MUSK: variants seen among roughly 807,000 people sequenced by gnomAD.
MUSK encodes the protein muscle associated receptor tyrosine kinase.
A neutral mutation model predicts 88.7 loss-of-function variants in MUSK; 55 were observed. The ratio of observed to expected loss-of-function variants is 0.62; its 90% CI spans 0.50 to 0.78. The LOEUF (loss-of-function observed/expected upper bound fraction) is 0.78, where lower values mean the gene tolerates loss of function less well. Among genes scored for constraint, MUSK ranks in the 30% least tolerant of loss-of-function variants. The pLI, the probability that MUSK is intolerant of heterozygous loss-of-function variation, is 0.00. For missense variants in MUSK, 1,015 were observed against 1,074.3 expected, an observed-to-expected ratio of 0.94 and a Z score of 0.77; for synonymous variants, 387 against 391.9, an observed-to-expected ratio of 0.99 and a Z score of 0.15.
At chr9:110,755,951 C>CGTATATATATATAT (rs1269355799) in intron 7 of MUSK, among the ~76,000 whole-genome samples, 1 of 101,792 alleles carries the variant, frequency 9.8e-6, no homozygotes, top group African/African-American at 4.3e-5. Context: ...TATATATATA[C>CGTATATATATATAT]ACATATATAT....
intron 7 of MUSK, among the ~76,000 whole-genome samples, chr9:110,749,132 T>C (rs1369993915): frequency 6.6e-6 from 1 of 152,224 alleles, no homozygotes; most frequent in East Asian, 1.9e-4. Context: ...CACTTTTACA[T>C]GCATTTATCA....
chr9:110,749,245 A>G (rs148976192), intron 7 of MUSK, among the ~76,000 whole-genome samples: 35 of 152,324 alleles, frequency 2.3e-4, no homozygotes, highest in African/African-American at 8.2e-4. Flanking sequence ...GAAGGAAGTC[A>G]GTCAGTCACG....
chr9:110,762,091 A>G (rs2077410535), intron 7 of MUSK, 111 bp from the exon 8 acceptor site: 1 of 1,068,394 alleles, frequency 9.4e-7, no homozygotes, highest in Admixed American at 3.2e-5. Flanking sequence ...AAACTTAGAG[A>G]TCAGTAGTAT....
intron 8 of MUSK, among the ~76,000 whole-genome samples, chr9:110,764,643 G>A (rs73655624): frequency 0.012 from 1,627 of 131,970 alleles, 23 homozygotes; most frequent in African/African-American, 0.041. Flanking sequence ...AGATAGGTAG[G>A]TAGATCATCG....
At chr9:110,734,088 G>C (rs1238666198) in intron 5 of MUSK, among the ~76,000 whole-genome samples, 163 bp from the exon 6 acceptor site, 3 of 152,054 alleles carry the variant, frequency 2.0e-5, no homozygotes, top group African/African-American at 4.8e-5. Context: ...TAACATAAAG[G>C]GCTTGGAGGC....
chr9:110,788,170 A>G (rs2077907341), intron 14 of MUSK: 1 of 234,332 alleles, frequency 4.3e-6, no homozygotes, highest in Non-Finnish European at 8.3e-6. Flanking sequence ...TATTTTACTT[A>G]TTTTGTTTCT....
At chr9:110,775,184 T>G (rs1055539426) in intron 9 of MUSK, among the ~76,000 whole-genome samples, 3 of 152,196 alleles carry the variant, frequency 2.0e-5, no homozygotes, top group African/African-American at 7.2e-5. Flanking sequence ...GATAATACTT[T>G]GGCTTTCTCA....
chr9:110,745,998 TG>T (rs1426568618), intron 6 of MUSK, among the ~76,000 whole-genome samples: 1 of 152,200 alleles, frequency 6.6e-6, no homozygotes, highest in Non-Finnish European at 1.5e-5. Context: ...CTAGTCAAAC[TG>T]TGAAAATCCT....
intron 9 of MUSK, among the ~76,000 whole-genome samples, chr9:110,770,685 T>C (rs928261671): frequency 6.6e-6 from 1 of 151,386 alleles, no homozygotes; most frequent in South Asian, 2.1e-4. Flanking sequence ...GAGTATGGTA[T>C]GCCATTCTTT....
chr9:110,748,899 C>G (rs925312165), intron 7 of MUSK, among the ~76,000 whole-genome samples: 3 of 152,148 alleles, frequency 2.0e-5, no homozygotes, highest in African/African-American at 7.2e-5. Context: ...CTTTCTCCCC[C>G]CAGTGATATC....
Position 110,706,394 on chromosome 9 carries a change from G to T in MUSK, c.628+8928G>T, listed in dbSNP as rs552270244. On this transcript the variant is annotated intron_variant, in intron 5 of 14. Coordinates refer to ENST00000374448, the MANE Select transcript of MUSK (RefSeq NM_005592.4). Reference sequence around the variant, plus strand: ...CTAAGTGGCTTTTCAGGGCCATATAGAGGAAATTATCTTTTAAGAGACAAT... The same window carrying T: ...CTAAGTGGCTTTTCAGGGCCATATATAGGAAATTATCTTTTAAGAGACAAT... Among the ~76,000 whole-genome samples the T allele has an allele frequency of 1.6e-3, 239 of 152,198 alleles. 2 individuals are homozygous for T. The highest frequency in any genetic ancestry group is 5.6e-3 in the African/African-American group (234 of 41,530).
At chr9:110,740,265 AT>A (rs891561104) in intron 6 of MUSK, among the ~76,000 whole-genome samples, 2 of 151,880 alleles carry the variant, frequency 1.3e-5, no homozygotes, top group African/African-American at 2.4e-5. Context: ...AAAAAACAGA[AT>A]TTTTTTTCCT....
At chr9:110,734,920 C>T (rs2077010175) in intron 6 of MUSK, among the ~76,000 whole-genome samples, 2 of 152,022 alleles carry the variant, frequency 1.3e-5, no homozygotes, top group African/African-American at 4.8e-5. Context: ...ATTCTAGGCC[C>T]TGTGGATACA....
chr9:110,721,342 TAA>T (rs987480346), intron 5 of MUSK, among the ~76,000 whole-genome samples: 9 of 152,016 alleles, frequency 5.9e-5, no homozygotes, highest in Admixed American at 3.9e-4. Context: ...TAGAAAACCC[TAA>T]AGACTCATCC....
At chr9:110,771,244 C>A (rs1258248447) in intron 9 of MUSK, among the ~76,000 whole-genome samples, 4 of 149,256 alleles carry the variant, frequency 2.7e-5, no homozygotes. Context: ...CTACAGGCAC[C>A]TGTCACCAGG....
chr9:110,683,865 A>G (rs995126904), intron 2 of MUSK, among the ~76,000 whole-genome samples: 1 of 152,080 alleles, frequency 6.6e-6, no homozygotes, highest in African/African-American at 2.4e-5. Flanking sequence ...AGCTCCATAT[A>G]TATTCTGGTT....
At chr9:110,741,879 A>G (rs2077105031) in intron 6 of MUSK, among the ~76,000 whole-genome samples, 1 of 152,120 alleles carries the variant, frequency 6.6e-6, no homozygotes, top group African/African-American at 2.4e-5. Flanking sequence ...GGGTCCGTTT[A>G]CAACTCAGAC....
intron 1 of MUSK, among the ~76,000 whole-genome samples, chr9:110,672,677 C>T (rs1472802604): frequency 6.6e-6 from 1 of 152,076 alleles, no homozygotes; most frequent in Admixed American, 6.6e-5. Context: ...AAAAATACTG[C>T]ATTCATAATG....
intron 3 of MUSK, among the ~76,000 whole-genome samples, chr9:110,690,187 A>AATATATAAATATATATTT (rs2076313375): frequency 9.8e-6 from 1 of 102,048 alleles, no homozygotes. Context: ...TATATATTTA[A>AATATATAAATATATATTT]GTATATATAA....
Sources: gnomAD v4.1 joint callset for allele counts (sites outside exome capture counted in the v4.1 genomes callset) on GRCh38, gnomAD v4.1.1 for gene constraint, MANE v1.5 for transcripts, NCBI Gene and HGNC (gene_info 2026-07-23, HGNC 2026-07-21) for gene names.